FAM135A: variants seen among roughly 807,000 people sequenced by gnomAD.
FAM135A encodes the protein protein FAM135A.
FAM135A carries 79 observed loss-of-function variants against 146.8 expected under a neutral mutation model. That is an observed-to-expected ratio of 0.54 (90% CI 0.45 to 0.65). FAM135A has a LOEUF of 0.65. FAM135A is among the 30% of genes least tolerant of loss of function. The pLI is 0.00. For synonymous variants in FAM135A, 562 were observed against 603.6 expected, an observed-to-expected ratio of 0.93 and a Z score of 1.01; for missense variants, 1,623 against 1,758.2, an observed-to-expected ratio of 0.92 and a Z score of 1.38.
chr6:70,426,128 C>CAACA (rs1554261989), intron 2 of FAM135A, among the ~76,000 whole-genome samples: 4 of 146,212 alleles, frequency 2.7e-5, no homozygotes, highest in South Asian at 2.2e-4. Context: ...AAAACAACAA[C>CAACA]AAAAAAAAAA....
chr6:70,531,290 T>TGACTGGACCGCTTC (rs1795757630), intron 16 of FAM135A, among the ~76,000 whole-genome samples: 1 of 152,256 alleles, frequency 6.6e-6, no homozygotes, highest in Non-Finnish European at 1.5e-5. Context: ...TGGTCCACTT[T>TGACTGGACCGCTTC]TGCTTTGACT....
intron 4 of FAM135A, among the ~76,000 whole-genome samples, chr6:70,440,807 C>T (rs1774289881): frequency 2.0e-5 from 3 of 151,978 alleles, no homozygotes; most frequent in African/African-American, 4.8e-5. Flanking sequence ...AATGAAACAA[C>T]GTTTTCAGAA....
intron 3 of FAM135A, among the ~76,000 whole-genome samples, chr6:70,427,663 A>G (rs1344951588): frequency 6.6e-6 from 1 of 152,272 alleles, no homozygotes; most frequent in African/African-American, 2.4e-5. Context: ...AAATTTTACA[A>G]ATGCACACAC....
intron 2 of FAM135A, among the ~76,000 whole-genome samples, chr6:70,426,027 C>T (rs1313686638): frequency 2.6e-5 from 4 of 151,126 alleles, no homozygotes; most frequent in Non-Finnish European, 5.9e-5. Context: ...GGCGTGAACC[C>T]GGGAAGCGGA....
Position 70,560,613 on chromosome 6 carries a change from G to A in FAM135A, c.*692G>A, listed in dbSNP as rs948977885. The A allele has an allele frequency of 6.6e-6, 1 of 152,510 alleles. No individual in the cohort carries two copies. The highest frequency in any genetic ancestry group is 1.5e-5 in the Non-Finnish European group (1 of 67,964). The allele number at this position is 152,510 out of a possible 1,614,324, so 9.4% of individuals were successfully genotyped here. A position where few individuals can be genotyped will look rare whatever the true frequency, so the allele number is the denominator to read the frequency against. The stretch of plus-strand genomic sequence containing the variant: ...GGAAATGTTCCTGTACATGTTGGCA[G>A]CAGATAAAGATTTTTGAATGTTTGA... On this transcript the variant is annotated 3_prime_UTR_variant, in exon 22 of 22. Coordinates refer to ENST00000418814, the MANE Select transcript of FAM135A (RefSeq NM_001162529.3).
At chr6:70,464,667 CTTTTT>C (rs533623758) in intron 5 of FAM135A, among the ~76,000 whole-genome samples, 1 of 99,382 alleles carries the variant, frequency 1.0e-5, no homozygotes, top group South Asian at 3.1e-4. Flanking sequence ...TCTTTTTTTT[CTTTTT>C]TTTTTTTTTT....
intron 10 of FAM135A, among the ~76,000 whole-genome samples, chr6:70,490,743 A>G (rs1284282659): frequency 6.6e-6 from 1 of 152,042 alleles, no homozygotes; most frequent in Non-Finnish European, 1.5e-5. Flanking sequence ...CTAATTATAT[A>G]GTTGGTCTTT....
Position 70,435,958 on chromosome 6 carries a change from C to A in FAM135A, c.77+7539C>A, listed in dbSNP as rs1259063937. ...CAGCACTTTGGGAGGCCGAAGCAGG[C>A]TGATCACCTGAGGTCAGGAGTTCGA... On this transcript the variant is annotated intron_variant, in intron 4 of 21. Coordinates refer to ENST00000418814, the MANE Select transcript of FAM135A (RefSeq NM_001162529.3). Among the ~76,000 whole-genome samples the A allele has an allele frequency of 2.6e-5, 4 of 152,214 alleles. No homozygotes were observed. In the South Asian group the frequency reaches 6.2e-4, roughly 24 times the overall value.
intron 4 of FAM135A, among the ~76,000 whole-genome samples, chr6:70,438,729 T>G (rs574554343): frequency 6.6e-6 from 1 of 152,328 alleles, no homozygotes; most frequent in Non-Finnish European, 1.5e-5. Context: ...AAATCTCTTA[T>G]GCAGAGGTTG....
intron 12 of FAM135A, among the ~76,000 whole-genome samples, chr6:70,512,337 C>CT (rs1791183950): frequency 1.3e-5 from 2 of 151,830 alleles, no homozygotes; most frequent in Non-Finnish European, 1.5e-5. Context: ...TTCTACAGAT[C>CT]TTTTTTGTGA....
At chr6:70,517,089 A>G (rs1792443989) in intron 12 of FAM135A, among the ~76,000 whole-genome samples, 1 of 152,212 alleles carries the variant, frequency 6.6e-6, no homozygotes, top group African/African-American at 2.4e-5. Context: ...TTCTGGGAAC[A>G]TATTGCTTAT....
At chr6:70,495,603 CACACAT>C (rs1328713009) in intron 11 of FAM135A, among the ~76,000 whole-genome samples, 1 of 152,104 alleles carries the variant, frequency 6.6e-6, no homozygotes, top group African/African-American at 2.4e-5. Flanking sequence ...GGGATACACA[CACACAT>C]ACACATACAC....
intron 5 of FAM135A, among the ~76,000 whole-genome samples, chr6:70,474,342 G>C (rs961663945): frequency 6.6e-6 from 1 of 151,968 alleles, no homozygotes; most frequent in Non-Finnish European, 1.5e-5. Context: ...CATAACAGCA[G>C]GTAGGCTGTT....
In FAM135A at chr6:70,525,548, C is replaced by A. The variant is rs1794524326; in HGVS notation, c.2464C>A (p.His822Asn). The change falls in exon 15 of 22, where the codon CAT (histidine) becomes AAT (asparagine). Residue 822 changes from histidine (H) to asparagine (N), a missense_variant. By Grantham distance (68) the His-to-Asn change is moderately conservative. Coordinates refer to ENST00000418814, the MANE Select transcript of FAM135A (RefSeq NM_001162529.3). ...TAATGTAAAATTTTCATTAGGAAAT[C>A]ATTGTACTGAGAGTACAAGTGCTAT... ...DYNVKFSLGN[H>N]CTESTSAISE... 1 of 1,612,850 alleles carries A rather than the reference C, an allele frequency of 6.2e-7. No homozygotes were observed. The highest frequency in any genetic ancestry group is 1.1e-5 in the South Asian group (1 of 90,802).
intron 20 of FAM135A, among the ~76,000 whole-genome samples, chr6:70,542,324 T>G (rs1798084299): frequency 6.6e-6 from 1 of 151,756 alleles, no homozygotes; most frequent in South Asian, 2.1e-4. Flanking sequence ...GCTTGCATTT[T>G]CTCATGCTTT....
At position 70,526,429 on chromosome 6, in the gene FAM135A, C is replaced by CT. The variant is rs1273625916; in HGVS notation, c.3346dup (p.Tyr1116LeufsTer6). 1 of 1,613,538 alleles carries CT rather than the reference C, an allele frequency of 6.2e-7. No individual in the cohort carries two copies. ...CTTTGGATGGAACAATAAATGCTCACTATACAAGCAGAGATGAACTAATGG... is the reference window on the plus strand; with the variant it reads ...CTTTGGATGGAACAATAAATGCTCACTTATACAAGCAGAGATGAACTAATGG... On this transcript the variant is annotated frameshift_variant, in exon 15 of 22. Transcript: ENST00000418814. LOFTEE classifies it high-confidence loss of function.
At chr6:70,424,157 CT>C (rs1769506661) in intron 2 of FAM135A, among the ~76,000 whole-genome samples, 1 of 152,144 alleles carries the variant, frequency 6.6e-6, no homozygotes, top group African/African-American at 2.4e-5. Flanking sequence ...GTGTTTCTTC[CT>C]TACATTAACC....
chr6:70,526,839 G>T, intron 15 of FAM135A, 141 bp downstream of exon 15: 1 of 800,108 alleles, frequency 1.2e-6, no homozygotes, highest in Non-Finnish European at 1.8e-6. Context: ...CTAAAGGATT[G>T]AGTGTCTATT....
intron 11 of FAM135A, among the ~76,000 whole-genome samples, chr6:70,493,570 C>CT (rs1786538180): frequency 6.6e-6 from 1 of 152,074 alleles, no homozygotes. Flanking sequence ...CCTTGTATGT[C>CT]TTTTTCAGGG....
Sources: allele counts gnomAD v4.1 joint callset (sites outside exome capture counted in the v4.1 genomes callset), GRCh38; gene constraint gnomAD v4.1.1; transcripts MANE v1.5; gene names NCBI Gene and HGNC (gene_info 2026-07-23, HGNC 2026-07-21).